CNBD1: variants seen among roughly 807,000 people sequenced by gnomAD.
The protein encoded by CNBD1 is cyclic nucleotide binding domain containing 1.
In CNBD1, 71 loss-of-function variants were observed where a neutral mutation model predicts 54.4. The observed-to-expected ratio is 1.30, with a 90% CI of 1.08 to 1.59. CNBD1 has a LOEUF of 1.59. Ranked by LOEUF, CNBD1 falls within the 40% of genes most tolerant of loss-of-function variation. The pLI, the probability that CNBD1 is intolerant of heterozygous loss-of-function variation, is 0.00. For missense variants in CNBD1, 659 were observed against 518.0 expected, an observed-to-expected ratio of 1.27 and a Z score of -2.64; for synonymous variants, 182 against 170.7, an observed-to-expected ratio of 1.07 and a Z score of -0.51.
Position 86,890,232 on chromosome 8 carries a change from A to G in CNBD1, c.158+2621A>G, listed in dbSNP as rs1489557545. ...AATTGAATCTTTATACCCTTTCGTC[A>G]ACATCTCCACATTCCTCCCCAGCAA... On this transcript the variant is annotated intron_variant, in intron 2 of 10. Coordinates refer to ENST00000518476, the MANE Select transcript of CNBD1 (RefSeq NM_173538.3). Among the ~76,000 whole-genome samples, 4 of 152,156 alleles carry G rather than the reference A, an allele frequency of 2.6e-5. 1 individual carries two copies. In the East Asian group the frequency reaches 7.7e-4, roughly 29 times the overall value.
chr8:87,277,201 C>A (rs948121212), intron 6 of CNBD1, among the ~76,000 whole-genome samples: 1 of 151,526 alleles, frequency 6.6e-6, no homozygotes, highest in Non-Finnish European at 1.5e-5. Context: ...AGTATGATGG[C>A]TGAAAACTGC....
intron 8 of CNBD1, among the ~76,000 whole-genome samples, chr8:87,346,258 C>T (rs2130923740): frequency 6.6e-6 from 1 of 152,140 alleles, no homozygotes; most frequent in African/African-American, 2.4e-5. Flanking sequence ...GTAGGCTTGT[C>T]TTGAACTCCC....
At chr8:86,954,689 A>G (rs1807714676) in intron 4 of CNBD1, among the ~76,000 whole-genome samples, 1 of 152,174 alleles carries the variant, frequency 6.6e-6, no homozygotes, top group African/African-American at 2.4e-5. Context: ...GCTCTTAGCA[A>G]TTTTTAATTT....
intron 5 of CNBD1, among the ~76,000 whole-genome samples, chr8:87,208,916 T>C (rs1034715787): frequency 6.6e-6 from 1 of 152,090 alleles, no homozygotes; most frequent in Non-Finnish European, 1.5e-5. Flanking sequence ...TTACTAAGGT[T>C]CTAACATTTC....
At chr8:87,205,512 G>C (rs1381884014) in intron 4 of CNBD1, among the ~76,000 whole-genome samples, 1 of 151,950 alleles carries the variant, frequency 6.6e-6, no homozygotes, top group Non-Finnish European at 1.5e-5. Context: ...AAGTACATAC[G>C]TATCTTTTCA....
chr8:87,257,912 A>C (rs1808053838), intron 6 of CNBD1, among the ~76,000 whole-genome samples: 1 of 152,026 alleles, frequency 6.6e-6, no homozygotes, highest in South Asian at 2.1e-4. Flanking sequence ...TATGGTGTAC[A>C]ATAACATAAT....
At chr8:87,275,060 G>T (rs573691218) in intron 6 of CNBD1, among the ~76,000 whole-genome samples, 1 of 134,010 alleles carries the variant, frequency 7.5e-6, no homozygotes, top group East Asian at 2.0e-4. Flanking sequence ...TTTTTCTCAG[G>T]TTTGTCAAAG....
rs4541948 is a variant in CNBD1, at chr8:87,061,720, T to C, written c.431+121966T>C. Among the ~76,000 whole-genome samples, 419 of 152,308 alleles carry C rather than the reference T, an allele frequency of 2.8e-3. 4 individuals carry two copies. The highest frequency in any genetic ancestry group is 9.7e-3 in the African/African-American group (405 of 41,576). ...TTCCAATCAAGGACATTTCAAAGAA[T>C]ATGAAAATTGTGTCAGAAAATATGT... On this transcript the variant is annotated intron_variant, in intron 4 of 10. Coordinates refer to ENST00000518476, the MANE Select transcript of CNBD1 (RefSeq NM_173538.3).
At chr8:87,419,105 A>G (rs961908734) in intron 2 of CNBD1, among the ~76,000 whole-genome samples, 2 of 99,308 alleles carry the variant, frequency 2.0e-5, no homozygotes, top group East Asian at 4.1e-4. Context: ...ATATGTATAT[A>G]TATATTCATT....
intron 1 of CNBD1, among the ~76,000 whole-genome samples, chr8:86,886,470 G>A (rs1003565636): frequency 6.6e-6 from 1 of 152,062 alleles, no homozygotes; most frequent in South Asian, 2.1e-4. Context: ...TATATGATAT[G>A]ATATGGATAA....
intron 4 of CNBD1, among the ~76,000 whole-genome samples, chr8:87,132,395 A>G (rs1449419123): frequency 2.0e-5 from 3 of 151,508 alleles, no homozygotes; most frequent in Non-Finnish European, 4.4e-5. Flanking sequence ...AATAAAGTGA[A>G]TATTTCTTTG....
intron 3 of CNBD1, among the ~76,000 whole-genome samples, chr8:86,911,315 T>G (rs1809096598): frequency 6.6e-6 from 1 of 152,230 alleles, no homozygotes; most frequent in African/African-American, 2.4e-5. Flanking sequence ...TGCTGAGGAC[T>G]CCTTCACCCT....
intron 2 of CNBD1, among the ~76,000 whole-genome samples, chr8:87,414,463 G>A (rs947922313): frequency 2.0e-5 from 3 of 152,062 alleles, no homozygotes; most frequent in Non-Finnish European, 4.4e-5. Flanking sequence ...CATGGCACAT[G>A]TATACATATG....
intron 4 of CNBD1, among the ~76,000 whole-genome samples, chr8:87,135,031 C>T (rs1270544710): frequency 6.6e-6 from 1 of 152,170 alleles, no homozygotes; most frequent in African/African-American, 2.4e-5. Flanking sequence ...AAAATACTTA[C>T]TTTATACTTT....
intron 3 of CNBD1, among the ~76,000 whole-genome samples, chr8:86,923,671 C>T (rs1330922210): frequency 6.6e-6 from 1 of 152,192 alleles, no homozygotes; most frequent in African/African-American, 2.4e-5. Flanking sequence ...TGCAACATCT[C>T]TTCAGGATAT....
At chr8:86,950,136 A>C (rs1406998735) in intron 4 of CNBD1, among the ~76,000 whole-genome samples, 1 of 133,940 alleles carries the variant, frequency 7.5e-6, no homozygotes. Flanking sequence ...ATCTCAGCTC[A>C]CTGCAACCTC....
In CNBD1 at chr8:86,918,761, C is replaced by G. The variant is rs1232442396; in HGVS notation, c.272+13567C>G. ...CCAGTCTTGGGTATGTCTTTATCTGCAGTGTGAAAACAAACTAATACACAT... is the reference window on the plus strand; with the variant it reads ...CCAGTCTTGGGTATGTCTTTATCTGGAGTGTGAAAACAAACTAATACACAT... On this transcript the variant is annotated intron_variant, in intron 3 of 10. Coordinates refer to ENST00000518476, the MANE Select transcript of CNBD1 (RefSeq NM_173538.3). Among the ~76,000 whole-genome samples the G allele has an allele frequency of 3.4e-5, 5 of 148,102 alleles. No individual in the cohort carries two copies. In the East Asian group the frequency reaches 1.0e-3, roughly 30 times the overall value.
chr8:87,084,522 T>C (rs1811060279), intron 4 of CNBD1, among the ~76,000 whole-genome samples: 1 of 152,188 alleles, frequency 6.6e-6, no homozygotes, highest in Non-Finnish European at 1.5e-5. Context: ...GTGTTTTGAT[T>C]TGCATAATTT....
At chr8:86,867,459 A>G (rs554760973) in intron 1 of CNBD1, among the ~76,000 whole-genome samples, 81 of 152,350 alleles carry the variant, frequency 5.3e-4, no homozygotes, top group Middle Eastern at 3.4e-3. Flanking sequence ...CTCCAAATAC[A>G]TTTTAAAAAA....
Sources: gnomAD v4.1 joint callset for allele counts (sites outside exome capture counted in the v4.1 genomes callset) on GRCh38, gnomAD v4.1.1 for gene constraint, MANE v1.5 for transcripts, NCBI Gene and HGNC (gene_info 2026-07-23, HGNC 2026-07-21) for gene names.